Variants in CTBP2 observed in about 807,000 individuals in gnomAD.
The protein encoded by CTBP2 is C-terminal binding protein 2.
CTBP2 carries 30 observed loss-of-function variants against 80.3 expected under a neutral mutation model. The observed-to-expected ratio is 0.37, with a 90% CI of 0.28 to 0.51. The LOEUF is 0.51. CTBP2 is among the 20% of genes least tolerant of loss of function. The pLI, the probability that CTBP2 is intolerant of heterozygous loss-of-function variation, is 0.93. For synonymous variants in CTBP2, 594 were observed against 587.4 expected (o/e 1.01, Z -0.16); for missense variants, 1,212 against 1,375.3 (o/e 0.88, Z 1.88).
chr10:125,060,794 G>T (rs1013270140), intron 2 of CTBP2, among the ~76,000 whole-genome samples: 1 of 152,238 alleles, frequency 6.6e-6, no homozygotes, highest in Admixed American at 6.5e-5. Flanking sequence ...GGCTTCCCCA[G>T]AGAGGCCGGT....
At chr10:125,020,096 C>A (rs1239792383) in intron 1 of CTBP2, among the ~76,000 whole-genome samples, 1 of 152,204 alleles carries the variant, frequency 6.6e-6, no homozygotes, top group Non-Finnish European at 1.5e-5. Flanking sequence ...GGGCCACTCA[C>A]CTGGTCTGTG....
chr10:125,127,392 G>T (rs1855456748), intron 1 of CTBP2, among the ~76,000 whole-genome samples: 1 of 152,176 alleles, frequency 6.6e-6, no homozygotes. Flanking sequence ...CAGGTCACCG[G>T]GGCTAGCCGT....
intron 2 of CTBP2, among the ~76,000 whole-genome samples, chr10:125,053,061 A>G (rs1963136965): frequency 6.6e-6 from 1 of 152,040 alleles, no homozygotes; most frequent in South Asian, 2.1e-4. Context: ...ACAGAACTTT[A>G]GGAGTACAAA....
intron 2 of CTBP2, among the ~76,000 whole-genome samples, chr10:125,048,600 A>G (rs1420442560): frequency 6.6e-6 from 1 of 152,096 alleles, no homozygotes; most frequent in Non-Finnish European, 1.5e-5. Context: ...ACAGGCCAAG[A>G]AGGAGGGAGG....
At chr10:125,076,106 C>T (rs1467465992) in intron 2 of CTBP2, among the ~76,000 whole-genome samples, 1 of 152,236 alleles carries the variant, frequency 6.6e-6, no homozygotes, top group Admixed American at 6.5e-5. Flanking sequence ...TCCCTCCCTC[C>T]CTCCCATGAG....
intron 1 of CTBP2, among the ~76,000 whole-genome samples, chr10:125,006,559 C>A (rs920955081): frequency 6.6e-6 from 1 of 152,172 alleles, no homozygotes; most frequent in South Asian, 2.1e-4. Flanking sequence ...CTTGCTGGAG[C>A]CTGGGGCAGA....
At chr10:125,044,329 T>TGCTGGTGTGGTGCAG (rs60049061) in intron 2 of CTBP2, among the ~76,000 whole-genome samples, 2 of 151,846 alleles carry the variant, frequency 1.3e-5, no homozygotes, top group Non-Finnish European at 2.9e-5. Context: ...CCGAGGATCC[T>TGCTGGTGTGGTGCAG]GCTGGTGTGG....
Position 125,041,504 on chromosome 10 carries a change from A to AC in CTBP2, c.-101-2350dup, listed in dbSNP as rs10559259. Among the ~76,000 whole-genome samples the AC allele has an allele frequency of 3.9e-3, 356 of 90,632 alleles. 5 individuals carry two copies. The highest frequency in any genetic ancestry group is 5.8e-3 in the Admixed American group (47 of 8,072). 59.5% of individuals were successfully genotyped at this position (90,632 alleles called of 152,430 possible). A position where few individuals can be genotyped will look rare whatever the true frequency, so the allele number is the denominator to read the frequency against. On this transcript the variant is annotated intron_variant, in intron 2 of 10. Transcript: ENST00000337195. ...TTGATCTGAGCTTTTGTCCATCCCC[A>AC]CCCCCCCCCCCCCCACCCACAAGTG...
At chr10:125,104,243 G>C (rs1042349499) in intron 2 of CTBP2, among the ~76,000 whole-genome samples, 2 of 152,156 alleles carry the variant, frequency 1.3e-5, no homozygotes, top group Non-Finnish European at 2.9e-5. Flanking sequence ...CGCCATTGTT[G>C]TTCATCAGTA....
intron 2 of CTBP2, among the ~76,000 whole-genome samples, chr10:125,075,781 A>G (rs1387302590): frequency 1.3e-5 from 2 of 152,264 alleles, no homozygotes; most frequent in Non-Finnish European, 2.9e-5. Context: ...TGCAGAGGAT[A>G]ATGCTAAGAA....
At chr10:125,004,899 C>G (rs1226959050) in intron 1 of CTBP2, among the ~76,000 whole-genome samples, 4 of 152,216 alleles carry the variant, frequency 2.6e-5, no homozygotes, top group Non-Finnish European at 5.9e-5. Flanking sequence ...CCAACTTCAT[C>G]TGTGTGGCCT....
At chr10:125,084,836 T>C (rs1171501606) in intron 2 of CTBP2, among the ~76,000 whole-genome samples, 2 of 152,014 alleles carry the variant, frequency 1.3e-5, no homozygotes, top group Non-Finnish European at 2.9e-5. Flanking sequence ...TCTCCACTGC[T>C]GCCCCAAGTC....
intron 1 of CTBP2, among the ~76,000 whole-genome samples, chr10:125,147,392 T>C (rs938903261): frequency 3.3e-5 from 5 of 152,298 alleles, no homozygotes; most frequent in Middle Eastern, 3.4e-3. Context: ...AGGTCTTAAA[T>C]AGAAAGTAAA....
chr10:125,074,529 T>C (rs917009859), intron 2 of CTBP2, among the ~76,000 whole-genome samples: 2 of 152,204 alleles, frequency 1.3e-5, no homozygotes, highest in African/African-American at 4.8e-5. Flanking sequence ...AATTTTTGTA[T>C]TTTTGGTAGA....
intron 3 of CTBP2, 75 bp from the exon 6 acceptor site, chr10:124,998,245 G>T: frequency 1.3e-6 from 2 of 1,501,416 alleles, no homozygotes; most frequent in Non-Finnish European, 1.8e-6. Context: ...CTCCCAGCCC[G>T]CCCTCCTGAG....
intron 2 of CTBP2, among the ~76,000 whole-genome samples, chr10:125,099,690 G>A (rs1036160704): frequency 1.3e-5 from 2 of 152,256 alleles, no homozygotes; most frequent in Non-Finnish European, 2.9e-5. Flanking sequence ...CCCAAATGGT[G>A]CCAAGCTACC....
chr10:125,028,794 G>A (rs1324755400), upstream of CTBP2, among the ~76,000 whole-genome samples: 1 of 152,234 alleles, frequency 6.6e-6, no homozygotes, highest in Non-Finnish European at 1.5e-5. Flanking sequence ...AGGTATGTCA[G>A]GATGAAAAGC....
Position 124,987,880 on chromosome 10 carries a change from A to AAAAG in CTBP2, c.*1634_*1637dup, listed in dbSNP as rs1268535521. On this transcript the variant is annotated 3_prime_UTR_variant, in exon 9 of 9. Coordinates refer to ENST00000309035, the MANE Select transcript of CTBP2 (RefSeq NM_022802.3). The stretch of plus-strand genomic sequence containing the variant: ...TAGTATAAAGGTTTAATTCTATTTA[A>AAAAG]AAAGAAGATCCATTAAATCAAGCTC... 1 of 152,270 alleles carries AAAAG rather than the reference A, an allele frequency of 6.6e-6. No individual in the cohort carries two copies. The highest frequency in any genetic ancestry group is 1.5e-5 in the Non-Finnish European group (1 of 68,042). 9.4% of individuals were successfully genotyped at this position (152,270 alleles called of 1,614,324 possible). A position where few individuals can be genotyped will look rare whatever the true frequency, so the allele number is the denominator to read the frequency against.
chr10:125,026,676 C>T lies in CTBP2; in HGVS notation c.1084G>A (p.Gly362Ser), dbSNP rs202010294. The T allele has an allele frequency of 2.8e-5, 45 of 1,607,390 alleles. No individual in the cohort carries two copies. The highest frequency in any genetic ancestry group is 6.7e-5 in the East Asian group (3 of 44,554). Reference sequence around the variant, plus strand: ...CTGGACCGCGCCCGGGGCAGCGGGCCCCCCCGGTCCTGCCTCCGCAGCTGC... The same window carrying T: ...CTGGACCGCGCCCGGGGCAGCGGGCTCCCCCGGTCCTGCCTCCGCAGCTGC... Residue 362 changes from glycine to serine, a missense_variant, in exon 1 of 9, where the codon GGC becomes AGC. Physicochemically the swap from Gly to Ser is moderately conservative, Grantham distance 56. This residue lies in a region of CTBP2 where 848 missense variants were observed against 782.3 expected (regional missense o/e 1.08). Coordinates refer to ENST00000309035, the MANE Select transcript of CTBP2 (RefSeq NM_022802.3).
Sources: allele counts gnomAD v4.1 joint callset (sites outside exome capture counted in the v4.1 genomes callset), GRCh38; gene constraint gnomAD v4.1.1; regional missense constraint gnomAD v4.1.1; transcripts MANE v1.5; gene names NCBI Gene and HGNC (gene_info 2026-07-23, HGNC 2026-07-21).